Variants in PPIP5K1 observed in about 807,000 individuals in gnomAD.
The protein encoded by PPIP5K1 is inositol hexakisphosphate and diphosphoinositol-pentakisphosphate kinase 1.
In PPIP5K1, 6 loss-of-function variants were observed where a neutral mutation model predicts 27.7. The ratio of observed to expected loss-of-function variants is 0.22; its 90% CI spans 0.12 to 0.43. The LOEUF (loss-of-function observed/expected upper bound fraction) is 0.43, where lower values mean the gene tolerates loss of function less well. Among genes scored for constraint, PPIP5K1 ranks in the 20% least tolerant of loss-of-function variants. The probability of loss-of-function intolerance (pLI) is 1.00; values close to 1 mark genes in which losing one functional copy is unlikely to be tolerated. For synonymous variants in PPIP5K1, 145 were observed against 242.6 expected, an observed-to-expected ratio of 0.60 and a Z score of 3.74; for missense variants, 394 against 635.4, an observed-to-expected ratio of 0.62 and a Z score of 4.08.
intron 29 of PPIP5K1, 82 bp from the exon 30 acceptor site, chr15:43,559,014 G>C: frequency 6.4e-7 from 1 of 1,561,208 alleles, no homozygotes; most frequent in Non-Finnish European, 8.7e-7. Context: ...GAGAGTCCCT[G>C]AGAGCCATCA....
chr15:43,551,605 A>C (rs1449540084), intron 30 of PPIP5K1, among the ~76,000 whole-genome samples: 23 of 103,656 alleles, frequency 2.2e-4, no homozygotes, highest in Non-Finnish European at 3.9e-4. Context: ...TTCTTGATTC[A>C]GTTTTTTTTT....
intron 10 of PPIP5K1, among the ~76,000 whole-genome samples, chr15:43,580,634 A>G (rs2084941735): frequency 8.9e-6 from 1 of 112,320 alleles, no homozygotes. Flanking sequence ...TGCTCTTGTC[A>G]CCCAGGCTGG....
intron 30 of PPIP5K1, among the ~76,000 whole-genome samples, chr15:43,556,783 T>C (rs2083015792): frequency 6.6e-6 from 1 of 152,178 alleles, no homozygotes; most frequent in Non-Finnish European, 1.5e-5. Flanking sequence ...GGGTCCTACA[T>C]TGAGAACGTG....
In PPIP5K1 at chr15:43,534,763, G is replaced by A. The variant is rs752002018; in HGVS notation, c.4384C>T (p.Gln1462Ter). ...QETSAINLLS[Q>*]GIPEIDKPSQ... ...GGTTTATCAATCTCAGGGATGCCCTGAGATAACAGATTGATCGCAGAAGTC... is the reference window on the plus strand; with the variant it reads ...GGTTTATCAATCTCAGGGATGCCCTAAGATAACAGATTGATCGCAGAAGTC... The change falls in exon 32 of 32, where the codon CAG becomes TAG. Residue 1462 changes from glutamine to a stop codon, truncating the protein, a stop_gained. Coordinates refer to ENST00000420765, the MANE Select transcript of PPIP5K1 (RefSeq NM_001394395.1). LOFTEE classifies it high-confidence loss of function. 5 of 1,567,398 alleles carry A rather than the reference G, an allele frequency of 3.2e-6. No homozygotes were observed. The highest frequency in any genetic ancestry group is 8.6e-7 in the Non-Finnish European group (1 of 1,158,612).
chr15:43,540,675 C>A (rs183695612), intron 30 of PPIP5K1, among the ~76,000 whole-genome samples: 37 of 149,228 alleles, frequency 2.5e-4, no homozygotes, highest in South Asian at 6.4e-4. Context: ...CCAGCCTGGG[C>A]GACAGAGCAA....
Position 43,534,670 on chromosome 15 carries a change from A to G in PPIP5K1, c.*4T>C. 7.2e-6 allele frequency: 11 copies of G among 1,519,550 alleles called. No homozygotes were observed. The highest frequency in any genetic ancestry group is 9.7e-6 in the Non-Finnish European group (11 of 1,137,502). 94.1% of individuals were successfully genotyped at this position (1,519,550 alleles called of 1,614,324 possible). On this transcript the variant is annotated 3_prime_UTR_variant, in exon 32 of 32. Coordinates refer to ENST00000420765, the MANE Select transcript of PPIP5K1 (RefSeq NM_001394395.1). Reference sequence around the variant, plus strand: ...TCAATCACTTCAGGGACCACCCAGGACTTCTAATTTATCTCCTCAGGGACC... The same window carrying G: ...TCAATCACTTCAGGGACCACCCAGGGCTTCTAATTTATCTCCTCAGGGACC...
At chr15:43,539,697 G>A in intron 30 of PPIP5K1, 114 bp from the exon 31 acceptor site, 1 of 640,370 alleles carries the variant, frequency 1.6e-6, no homozygotes. Context: ...CCTTGGCTGA[G>A]AAGTAGCATT....
In PPIP5K1 at chr15:43,534,779, C is replaced by G. The variant is rs550742857; in HGVS notation, c.4368G>C (p.Ala1456=). ...GGATGCCCTGAGATAACAGATTGAT[C>G]GCAGAAGTCTCCTGGGCCAGCCTGC... The part of the protein sequence containing the change: ...EVGRLAQETS[A]INLLSQGIPE... Residue 1456 remains alanine (A), a synonymous_variant, in exon 32 of 32, where the codon GCG becomes GCC. Coordinates refer to ENST00000420765, the MANE Select transcript of PPIP5K1 (RefSeq NM_001394395.1). 5 of 1,581,774 alleles carry G rather than the reference C, an allele frequency of 3.2e-6. No individual in the cohort carries two copies. Among genetic ancestry groups the G allele is most frequent in the Non-Finnish European group, 3.4e-6 (4 of 1,165,240 alleles).
At chr15:43,547,943 C>T (rs1480529097) in intron 30 of PPIP5K1, among the ~76,000 whole-genome samples, 1 of 152,190 alleles carries the variant, frequency 6.6e-6, no homozygotes, top group African/African-American at 2.4e-5. Context: ...TTGGGGAATA[C>T]TGCCATCTTA....
At chr15:43,543,237 G>T (rs746578469) in intron 30 of PPIP5K1, among the ~76,000 whole-genome samples, 5 of 127,756 alleles carry the variant, frequency 3.9e-5, no homozygotes, top group Admixed American at 2.8e-4. Flanking sequence ...GAGGTAATTA[G>T]GAAAAAAAAT....
chr15:43,543,015 C>T (rs2080957369), intron 30 of PPIP5K1, among the ~76,000 whole-genome samples: 1 of 151,810 alleles, frequency 6.6e-6, no homozygotes, highest in Non-Finnish European at 1.5e-5. Flanking sequence ...CAATTTTGGT[C>T]ACTGGGAGCC....
intron 30 of PPIP5K1, among the ~76,000 whole-genome samples, chr15:43,546,665 T>A (rs1206259816): frequency 1.2e-5 from 1 of 84,552 alleles, no homozygotes; most frequent in Non-Finnish European, 1.9e-5. Flanking sequence ...TTTTTTTTTT[T>A]TTTTTTTTTT....
intron 30 of PPIP5K1, among the ~76,000 whole-genome samples, chr15:43,557,829 CTTT>C (rs749398933): frequency 7.9e-6 from 1 of 125,802 alleles, no homozygotes; most frequent in East Asian, 2.3e-4. Context: ...CATGCATAGC[CTTT>C]TTTTTTTTTT....
In PPIP5K1 at chr15:43,534,352, GCTTCT is replaced by G; in HGVS notation, c.*317_*321del. 4.4e-6 allele frequency: 1 copy of G among 227,194 alleles called. No homozygotes were observed. Among genetic ancestry groups the G allele is most frequent in the South Asian group, 1.6e-4 (1 of 6,120 alleles). 14.1% of individuals were successfully genotyped at this position (227,194 alleles called of 1,614,324 possible). ...CTAATGGCTAAGTGAGGAGCCAATG[GCTTCT>G]TCGAACCTAAAACTGGCTCCTCCTC... On this transcript the variant is annotated 3_prime_UTR_variant, in exon 32 of 32. Transcript: ENST00000420765.
intron 30 of PPIP5K1, among the ~76,000 whole-genome samples, chr15:43,546,631 A>T (rs936477887): frequency 1.8e-4 from 21 of 117,898 alleles, no homozygotes; most frequent in African/African-American, 5.2e-4. Flanking sequence ...ATCTGTGTGT[A>T]TTTGTTTGAG....
At chr15:43,543,757 A>C (rs1251078174) in intron 30 of PPIP5K1, among the ~76,000 whole-genome samples, 1 of 151,410 alleles carries the variant, frequency 6.6e-6, no homozygotes, top group Admixed American at 6.6e-5. Context: ...GTTCCTAATA[A>C]CAGGAACATA....
chr15:43,551,696 G>A (rs1383754828), intron 30 of PPIP5K1, among the ~76,000 whole-genome samples: 8 of 125,064 alleles, frequency 6.4e-5, no homozygotes, highest in South Asian at 2.8e-4. Flanking sequence ...TCCGCCTCCC[G>A]GGTTCATGCC....
chr15:43,538,720 G>A (rs1395092878), intron 31 of PPIP5K1, among the ~76,000 whole-genome samples: 1 of 151,930 alleles, frequency 6.6e-6, no homozygotes, highest in African/African-American at 2.4e-5. Context: ...CACCGTGTTA[G>A]CCAGGATGGT....
At chr15:43,559,366 A>C (rs556935781) in intron 29 of PPIP5K1, among the ~76,000 whole-genome samples, 79 of 152,190 alleles carry the variant, frequency 5.2e-4, no homozygotes, top group Admixed American at 3.9e-3. Context: ...GGGTATCATG[A>C]ATAAGAGAAC....
Sources: gnomAD v4.1 joint callset for allele counts (sites outside exome capture counted in the v4.1 genomes callset) on GRCh38, gnomAD v4.1.1 for gene constraint, MANE v1.5 for transcripts, NCBI Gene and HGNC (gene_info 2026-07-23, HGNC 2026-07-21) for gene names.